Variants in SKOR2 observed in about 807,000 individuals in gnomAD.
The protein encoded by SKOR2 is SKI family transcriptional corepressor 2, also known as LBX1 corepressor 1-like protein.
Under a neutral mutation model 69.1 loss-of-function variants are expected in SKOR2, and 47 were observed. That is an observed-to-expected ratio of 0.68 (90% CI 0.54 to 0.87). The LOEUF (loss-of-function observed/expected upper bound fraction) is 0.87, where lower values mean the gene tolerates loss of function less well. Ranked by LOEUF, SKOR2 falls within the 40% of genes least tolerant of loss-of-function variation. The pLI is 0.00. For synonymous variants in SKOR2, 717 were observed against 672.6 expected, an observed-to-expected ratio of 1.07 and a Z score of -1.02; for missense variants, 1,404 against 1,472.2, an observed-to-expected ratio of 0.95 and a Z score of 0.76.
At chr18:47,246,242 C>T (rs1377768683) in intron 2 of SKOR2, among the ~76,000 whole-genome samples, 1 of 152,126 alleles carries the variant, frequency 6.6e-6, no homozygotes, top group Admixed American at 6.5e-5. Context: ...AACAAATGTG[C>T]TCAGTTGGAG....
In SKOR2 at chr18:47,248,592, A is replaced by C; in HGVS notation, c.592T>G (p.Tyr198Asp). ...FHSHRTPDAKYTQPDAANFNS... is the reference protein window; with the variant it reads ...FHSHRTPDAKDTQPDAANFNS... ...AAGTTGGCTGCGTCTGGCTGAGTGT[A>C]CTTGGCGTCGGGCGTGCGGTGGGAG... The change falls in exon 2 of 9, where the codon TAC becomes GAC. Residue 198 changes from tyrosine (Y) to aspartate (D), a missense_variant. This residue lies in a region of SKOR2 where 1,266 missense variants were observed against 1,309.9 expected (regional missense o/e 0.97). Transcript: ENST00000425639. The surrounding 1 kb of genome is among the most constrained non-coding windows in gnomAD (Gnocchi z 6.4). The C allele has an allele frequency of 6.5e-7, 1 of 1,541,046 alleles. No individual in the cohort carries two copies. The highest frequency in any genetic ancestry group is 8.7e-7 in the Non-Finnish European group (1 of 1,148,566).
At position 47,248,831 on chromosome 18, in the gene SKOR2, A is replaced by T; in HGVS notation, c.353T>A (p.Ile118Asn). ...CAGACGCTCGGCCTCGCGTTTGGTG[A>T]TCATGCCGCAGCGGCGCGATGAGAT... ...MPISSRRCGMITKREAERLCK... is the reference protein window; with the variant it reads ...MPISSRRCGMNTKREAERLCK... The change falls in exon 2 of 9, where the codon ATC (isoleucine) becomes AAC (asparagine). Residue 118 changes from isoleucine to asparagine, a missense_variant. Ile to Asn is a moderately radical substitution (Grantham distance 149). Transcript: ENST00000425639. This position sits in a 1 kb window ranked among gnomAD's most constrained non-coding sequence, Gnocchi z 6.4. The T allele has an allele frequency of 6.4e-7, 1 of 1,560,394 alleles. No homozygotes were observed. Among genetic ancestry groups the T allele is most frequent in the Non-Finnish European group, 8.6e-7 (1 of 1,160,720 alleles).
Position 47,247,108 on chromosome 18 carries a change from G to C in SKOR2, c.2076C>G (p.His692Gln). The change falls in exon 2 of 9, where the codon CAC (histidine) becomes CAG (glutamine). Residue 692 changes from histidine to glutamine, a missense_variant. This residue lies in a region of SKOR2 where 1,266 missense variants were observed against 1,309.9 expected (regional missense o/e 0.97). Coordinates refer to ENST00000425639, the MANE Select transcript of SKOR2 (RefSeq NM_001278063.4). This position sits in a 1 kb window ranked among gnomAD's most constrained non-coding sequence, Gnocchi z 6.6. ...QPDEPGSERH[H>Q]PAPPPPPPPP... The stretch of plus-strand genomic sequence containing the variant: ...GCGGCGGCGGCGGCGGCGGGGCCGG[G>C]TGGTGGCGCTCGGAACCCGGCTCGT... The C allele has an allele frequency of 3.0e-6, 4 of 1,320,748 alleles. No individual in the cohort carries two copies. Among genetic ancestry groups the C allele is most frequent in the South Asian group, 2.2e-5 (1 of 44,520 alleles). The allele number at this position is 1,320,748 out of a possible 1,614,324, so 81.8% of individuals were successfully genotyped here.
chr18:47,220,570 GT>G (rs1444522654), intron 6 of SKOR2, among the ~76,000 whole-genome samples: 1 of 152,160 alleles, frequency 6.6e-6, no homozygotes, highest in Non-Finnish European at 1.5e-5. Flanking sequence ...CTTATTTTAT[GT>G]TCCTGCTTTG....
Position 47,249,243 on chromosome 18 carries a change from GGAGAAAGCGTTGACTT to G in SKOR2, c.-47-29_-47-14del, listed in dbSNP as rs2064302509. ...TCTGCCTTGGACACTGGAAGGGAAA[GGAGAAAGCGTTGACTT>G]GAGCCTTTTCAGACTAAAACAGAGG... On this transcript the variant is annotated splice_polypyrimidine_tract_variant and intron_variant, in intron 1 of 8. Coordinates refer to ENST00000425639, the MANE Select transcript of SKOR2 (RefSeq NM_001278063.4). 2.0e-6 allele frequency: 3 copies of G among 1,484,438 alleles called. No homozygotes were observed. The highest frequency in any genetic ancestry group is 2.7e-6 in the Non-Finnish European group (3 of 1,121,452). 92.0% of individuals were successfully genotyped at this position (1,484,438 alleles called of 1,614,324 possible). A position where few individuals can be genotyped will look rare whatever the true frequency, so the allele number is the denominator to read the frequency against.
chr18:47,237,712 T>G (rs74628157), intron 4 of SKOR2, among the ~76,000 whole-genome samples: 2 of 151,570 alleles, frequency 1.3e-5, no homozygotes, highest in African/African-American at 4.8e-5. Context: ...TTTTTTTTTT[T>G]TTTGAGACAG....
intron 8 of SKOR2, among the ~76,000 whole-genome samples, chr18:47,207,416 C>T (rs535952367): frequency 6.6e-6 from 1 of 152,260 alleles, no homozygotes; most frequent in African/African-American, 2.4e-5. Flanking sequence ...AATGCAGAGC[C>T]AGCCCCAGCC....
chr18:47,249,902 T>G (rs893582945), intron 1 of SKOR2, among the ~76,000 whole-genome samples: 14 of 152,208 alleles, frequency 9.2e-5, no homozygotes, highest in Non-Finnish European at 1.9e-4. Flanking sequence ...TGCACCAAAA[T>G]AGAATGTTTC....
chr18:47,215,862 T>C (rs2144480727), intron 7 of SKOR2, among the ~76,000 whole-genome samples: 2 of 152,284 alleles, frequency 1.3e-5, no homozygotes, highest in South Asian at 4.1e-4. Flanking sequence ...CATCACAACG[T>C]TCTCCAAGAA....
intron 7 of SKOR2, among the ~76,000 whole-genome samples, chr18:47,212,846 A>G (rs1352814194): frequency 6.6e-6 from 1 of 151,986 alleles, no homozygotes; most frequent in Non-Finnish European, 1.5e-5. Context: ...GGTGGCACAC[A>G]CCTGCTACTT....
intron 6 of SKOR2, 60 bp from the exon 7 acceptor site, chr18:47,220,070 G>T: frequency 7.0e-7 from 1 of 1,428,508 alleles, no homozygotes; most frequent in Non-Finnish European, 9.5e-7. Flanking sequence ...TTTTAGTTTA[G>T]CTAGTAAAAA....
In SKOR2 at chr18:47,230,961, T is replaced by C; in HGVS notation, c.2792A>G (p.Lys931Arg). The C allele has an allele frequency of 6.5e-7, 1 of 1,535,972 alleles. No individual in the cohort carries two copies. Among genetic ancestry groups the C allele is most frequent in the South Asian group, 1.2e-5 (1 of 84,050 alleles). The change falls in exon 5 of 9, where the codon AAA becomes AGA. Residue 931 changes from lysine to arginine, a missense_variant. Around this residue, in one of 3 missense-constraint regions of SKOR2, gnomAD observed 1,266 missense variants for 1,309.9 expected, o/e 0.97. Transcript: ENST00000425639. ...TTTCCCCATATTTTCTACATCCTTTTTCAGTGAATGAGGTGAGTTGGTTTC... is the reference window on the plus strand; with the variant it reads ...TTTCCCCATATTTTCTACATCCTTTCTCAGTGAATGAGGTGAGTTGGTTTC... Reference protein sequence around the residue: ...TQETNSPHSLKKDVENMGKEE... With the variant: ...TQETNSPHSLRKDVENMGKEE...
chr18:47,230,579 A>G (rs1392433162), intron 5 of SKOR2, 22 bp from the exon 6 acceptor site: 1 of 1,337,602 alleles, frequency 7.5e-7, no homozygotes, highest in Non-Finnish European at 9.7e-7. Flanking sequence ...AAGAAGAGTC[A>G]TTTTACTAAT....
intron 1 of SKOR2, among the ~76,000 whole-genome samples, chr18:47,251,103 G>T (rs1231675305): frequency 2.0e-5 from 3 of 149,726 alleles, no homozygotes; most frequent in Admixed American, 6.7e-5. Flanking sequence ...ACAAGGTTTT[G>T]GTTGGGGCAT....
intron 6 of SKOR2, 90 bp from the exon 7 acceptor site, chr18:47,220,100 G>C: frequency 9.5e-7 from 1 of 1,048,644 alleles, no homozygotes; most frequent in Admixed American, 2.5e-5. Flanking sequence ...CAGTCCCATG[G>C]ACAGCCCCCC....
At chr18:47,243,027 T>C (rs1332630055) in intron 4 of SKOR2, among the ~76,000 whole-genome samples, 2 of 152,192 alleles carry the variant, frequency 1.3e-5, no homozygotes, top group South Asian at 2.1e-4. Flanking sequence ...GGGTCATACA[T>C]AAGATAAAAC....
intron 6 of SKOR2, among the ~76,000 whole-genome samples, chr18:47,223,184 T>C (rs891628304): frequency 3.9e-5 from 6 of 152,150 alleles, no homozygotes; most frequent in African/African-American, 1.4e-4. Flanking sequence ...TAAGAGGGTT[T>C]ATACAAATCA....
rs1362480573 is a variant in SKOR2, at chr18:47,247,081, C to A, written c.2103G>T (p.Pro701=). The A allele has an allele frequency of 1.9e-6, 1 of 521,168 alleles. No individual in the cohort carries two copies. Among genetic ancestry groups the A allele is most frequent in the South Asian group, 4.8e-5 (1 of 20,620 alleles). 32.3% of individuals were successfully genotyped at this position (521,168 alleles called of 1,614,324 possible). A position where few individuals can be genotyped will look rare whatever the true frequency, so the allele number is the denominator to read the frequency against. Residue 701 remains proline, a synonymous_variant, in exon 2 of 9, where the codon CCG becomes CCT. Transcript: ENST00000425639. The surrounding 1 kb of genome is among the most constrained non-coding windows in gnomAD (Gnocchi z 6.6). Reference sequence around the variant, plus strand: ...GCTGGGCCAGAGGGGGCGGCGGGGGCGGCGGCGGCGGCGGCGGCGGGGCCG... The same window carrying A: ...GCTGGGCCAGAGGGGGCGGCGGGGGAGGCGGCGGCGGCGGCGGCGGGGCCG... ...HHPAPPPPPP[P]PPPPPLAQHP...
At chr18:47,223,235 T>A (rs1041537225) in intron 6 of SKOR2, among the ~76,000 whole-genome samples, 1 of 152,042 alleles carries the variant, frequency 6.6e-6, no homozygotes, top group African/African-American at 2.4e-5. Context: ...GGGGAGAGAA[T>A]ATAAATGGGC....
Sources: gnomAD v4.1 joint callset for allele counts (sites outside exome capture counted in the v4.1 genomes callset) on GRCh38, gnomAD v4.1.1 for gene constraint, gnomAD v4.1.1 regional missense constraint, Gnocchi (gnomAD v3.1) non-coding constraint, MANE v1.5 for transcripts, NCBI Gene and HGNC (gene_info 2026-07-23, HGNC 2026-07-21) for gene names.